Variants in GPR55 observed in about 807,000 individuals in gnomAD.
GPR55 encodes the protein G protein-coupled receptor 55.
In GPR55, 6 loss-of-function variants were observed where a neutral mutation model predicts 7.9. The observed-to-expected ratio is 0.76, with a 90% CI of 0.41 to 1.49. The LOEUF is 1.49. Ranked by LOEUF, GPR55 falls within the 40% of genes most tolerant of loss-of-function variation. GPR55 has a pLI of 0.01. For missense variants in GPR55, 376 were observed against 406.0 expected (o/e 0.93, Z 0.63); for synonymous variants, 183 against 166.8 (o/e 1.10, Z -0.75).
intron 1 of GPR55, among the ~76,000 whole-genome samples, chr2:230,942,201 C>T (rs1044263833): frequency 6.6e-6 from 1 of 152,248 alleles, no homozygotes. Flanking sequence ...CCCACACTCA[C>T]ACTCCAGGGC....
chr2:230,955,490 T>C (rs182959220), intron 1 of GPR55, among the ~76,000 whole-genome samples: 32 of 152,330 alleles, frequency 2.1e-4, no homozygotes, highest in African/African-American at 6.0e-4. Context: ...TCACCTTACA[T>C]TCTCTCCAGC....
At chr2:230,926,279 A>G (rs1690938962), upstream of GPR55, among the ~76,000 whole-genome samples, 1 of 152,146 alleles carries the variant, frequency 6.6e-6, no homozygotes. Context: ...AACCATGACA[A>G]CTTTTAAGCT....
chr2:230,914,887 T>C (rs1690674264), intron 1 of GPR55, among the ~76,000 whole-genome samples: 1 of 152,088 alleles, frequency 6.6e-6, no homozygotes, highest in Non-Finnish European at 1.5e-5. Flanking sequence ...GAAGGATAGT[T>C]GGGAGAGAGA....
intron 1 of GPR55, among the ~76,000 whole-genome samples, chr2:230,921,411 C>T (rs145290912): frequency 1.3e-5 from 2 of 152,116 alleles, no homozygotes; most frequent in East Asian, 1.9e-4. Context: ...ACCCCATTCC[C>T]GAGCACAGGC....
intron 1 of GPR55, among the ~76,000 whole-genome samples, chr2:230,919,655 T>C (rs1241501110): frequency 6.6e-6 from 1 of 152,216 alleles, no homozygotes; most frequent in Non-Finnish European, 1.5e-5. Context: ...TTTAATCCAG[T>C]GATTCTGAGA....
intron 1 of GPR55, among the ~76,000 whole-genome samples, chr2:230,933,795 T>C (rs902229406): frequency 4.0e-5 from 6 of 151,620 alleles, no homozygotes; most frequent in African/African-American, 1.5e-4. Flanking sequence ...AAAGGCTGCC[T>C]GGGTGGGGGC....
At chr2:230,922,759 G>C (rs1008831301) in intron 1 of GPR55, among the ~76,000 whole-genome samples, 6 of 152,098 alleles carry the variant, frequency 3.9e-5, no homozygotes, top group Admixed American at 3.9e-4. Context: ...ATTTTTCGTA[G>C]ATACAGCGTT....
At chr2:230,936,331 G>A (rs1439588567) in intron 1 of GPR55, among the ~76,000 whole-genome samples, 1 of 152,108 alleles carries the variant, frequency 6.6e-6, no homozygotes, top group Admixed American at 6.5e-5. Flanking sequence ...GAACCTGGTA[G>A]GAGGTAATTG....
rs543025719 is a variant in GPR55, at chr2:230,939,849, C to T, written c.-135+20926G>A. Among the ~76,000 whole-genome samples, 362 of 152,188 alleles carry T rather than the reference C, an allele frequency of 2.4e-3. 2 individuals are homozygous for T. The highest frequency in any genetic ancestry group is 8.4e-3 in the African/African-American group (348 of 41,528). On this transcript the variant is annotated intron_variant, in intron 1 of 1. Coordinates refer to the GPR55 transcript ENST00000392039. The stretch of plus-strand genomic sequence containing the variant: ...TTCGGGAGGAAGCCAGTGCCACCAT[C>T]CCTCCCCACCCAGGGGCAAGCAGGC...
At chr2:230,935,549 G>A (rs1318237043) in intron 1 of GPR55, among the ~76,000 whole-genome samples, 8 of 152,126 alleles carry the variant, frequency 5.3e-5, no homozygotes, top group African/African-American at 1.2e-4. Context: ...AGAACTGTGC[G>A]CACCCATCCA....
intron 1 of GPR55, among the ~76,000 whole-genome samples, chr2:230,915,857 AC>A (rs146226202): frequency 0.51 from 77,768 of 151,996 alleles, 22,857 homozygotes; most frequent in African/African-American, 0.83. Context: ...GAAGAACCAG[AC>A]TTGCAGAAAG....
chr2:230,925,506 G>C (rs1690927389), upstream of GPR55, among the ~76,000 whole-genome samples: 3 of 152,208 alleles, frequency 2.0e-5, no homozygotes, highest in South Asian at 6.2e-4. Context: ...AAACCAAAAA[G>C]CCAAAAATCA....
chr2:230,957,206 T>C (rs1197756902), intron 1 of GPR55, among the ~76,000 whole-genome samples: 1 of 152,240 alleles, frequency 6.6e-6, no homozygotes, highest in Non-Finnish European at 1.5e-5. Context: ...CAAATGATTT[T>C]GTTTCTTGAG....
chr2:230,930,363 C>T (rs913868506), intron 1 of GPR55, among the ~76,000 whole-genome samples: 13 of 152,112 alleles, frequency 8.5e-5, no homozygotes, highest in Non-Finnish European at 1.2e-4. Context: ...ATTCTTCTTA[C>T]GTGTTGAGTC....
chr2:230,959,038 T>C (rs75408228), intron 1 of GPR55, among the ~76,000 whole-genome samples: 8,652 of 152,240 alleles, frequency 0.057, 710 homozygotes, highest in East Asian at 0.42. Flanking sequence ...TCACAGCAGT[T>C]CCAAAAATGG....
At chr2:230,946,655 C>T (rs960973867) in intron 1 of GPR55, among the ~76,000 whole-genome samples, 6 of 152,228 alleles carry the variant, frequency 3.9e-5, no homozygotes, top group Non-Finnish European at 1.5e-5. Flanking sequence ...TGAAATGACG[C>T]TGGCAGAAGC....
At chr2:230,942,435 A>G (rs937297071) in intron 1 of GPR55, among the ~76,000 whole-genome samples, 1 of 152,178 alleles carries the variant, frequency 6.6e-6, no homozygotes, top group African/African-American at 2.4e-5. Flanking sequence ...ACTGCCCTCC[A>G]GCCTCCATTC....
upstream of GPR55, among the ~76,000 whole-genome samples, chr2:230,925,581 C>A (rs572861657): frequency 1.9e-4 from 29 of 152,284 alleles, no homozygotes; most frequent in African/African-American, 6.7e-4. Flanking sequence ...CCCAGACACC[C>A]TAACAGGGGC....
intron 1 of GPR55, among the ~76,000 whole-genome samples, chr2:230,943,389 G>T (rs2125066868): frequency 6.6e-6 from 1 of 152,282 alleles, no homozygotes; most frequent in South Asian, 2.1e-4. Flanking sequence ...CTCCGTGGAG[G>T]GCCAAGAAGC....
Sources: allele counts gnomAD v4.1 joint callset (sites outside exome capture counted in the v4.1 genomes callset), GRCh38; gene constraint gnomAD v4.1.1; transcripts MANE v1.5; gene names NCBI Gene and HGNC (gene_info 2026-07-23, HGNC 2026-07-21).